MS4A10: variants seen among roughly 807,000 people sequenced by gnomAD.
MS4A10 encodes the protein membrane-spanning 4-domains subfamily A member 10.
Under a neutral mutation model 27.7 loss-of-function variants are expected in MS4A10, and 27 were observed. That is an observed-to-expected ratio of 0.98 (90% CI 0.72 to 1.35). The LOEUF (loss-of-function observed/expected upper bound fraction) is 1.35, where lower values mean the gene tolerates loss of function less well. Ranked by LOEUF, MS4A10 falls within the 40% of genes most tolerant of loss-of-function variation. MS4A10 has a pLI of 0.00. For missense variants in MS4A10, 338 were observed against 324.7 expected (o/e 1.04, Z -0.32); for synonymous variants, 139 against 131.2 (o/e 1.06, Z -0.41).
At chr11:60,798,176 T>C (rs1854563264) in intron 6 of MS4A10, among the ~76,000 whole-genome samples, 2 of 152,228 alleles carry the variant, frequency 1.3e-5, no homozygotes, top group South Asian at 4.1e-4. Context: ...CCCCATCCAG[T>C]GACTCCCATG....
intron 6 of MS4A10, among the ~76,000 whole-genome samples, chr11:60,797,333 C>T (rs1854547925): frequency 6.6e-6 from 1 of 152,206 alleles, no homozygotes; most frequent in Admixed American, 6.5e-5. Context: ...AGTAAATTAT[C>T]ACAAATTTGG....
At chr11:60,798,938 A>G (rs1049170264) in intron 7 of MS4A10, among the ~76,000 whole-genome samples, 12 of 152,204 alleles carry the variant, frequency 7.9e-5, no homozygotes, top group African/African-American at 1.2e-4. Flanking sequence ...GAAGGTCTCC[A>G]GAGCGGCACA....
chr11:60,796,107 G>A (rs181750941), intron 6 of MS4A10, among the ~76,000 whole-genome samples: 1 of 152,262 alleles, frequency 6.6e-6, no homozygotes, highest in African/African-American at 2.4e-5. Context: ...GTGGAGTTTG[G>A]CTGTAGTGGA....
rs202060173 is a variant in MS4A10, at chr11:60,790,991, C to T, written c.201C>T (p.Ile67=). ...CCACCCAGGCCTTCCACATCACCAT[C>T]GCTCTGCTGCACCTGGTCTTTGGGG... The part of the protein sequence containing the change: ...LKELGAFHIT[I]ALLHLVFGGY... The change falls in exon 3 of 8, where the codon ATC becomes ATT. Residue 67 remains isoleucine (I), a synonymous_variant. Transcript: ENST00000308287. 477 of 1,614,066 alleles carry T rather than the reference C, an allele frequency of 3.0e-4. No homozygotes were observed. Among genetic ancestry groups the T allele is most frequent in the Non-Finnish European group, 3.8e-4 (454 of 1,180,024 alleles).
At chr11:60,792,742 C>T (rs183866127) in intron 4 of MS4A10, among the ~76,000 whole-genome samples, 1 of 152,176 alleles carries the variant, frequency 6.6e-6, no homozygotes, top group African/African-American at 2.4e-5. Context: ...GTGGTCCTCC[C>T]TTTTCTGCCC....
intron 6 of MS4A10, 45 bp downstream of exon 6, chr11:60,795,710 A>T: frequency 7.7e-7 from 1 of 1,297,702 alleles, no homozygotes; most frequent in Non-Finnish European, 1.1e-6. Flanking sequence ...AAATGGGGGC[A>T]TGAGGCAGCA....
intron 2 of MS4A10, 91 bp downstream of exon 2, chr11:60,790,609 G>A (rs1277680735): frequency 1.4e-6 from 2 of 1,385,886 alleles, no homozygotes; most frequent in Admixed American, 2.3e-5. Flanking sequence ...GGAAGAAAGG[G>A]AAAAGAGAAA....
At chr11:60,799,270 T>C (rs1000683550) in intron 7 of MS4A10, among the ~76,000 whole-genome samples, 6 of 152,202 alleles carry the variant, frequency 3.9e-5, no homozygotes, top group Non-Finnish European at 8.8e-5. Context: ...TCAAACCTAC[T>C]TGTGCTAAGT....
chr11:60,796,419 A>T (rs1854533198), intron 6 of MS4A10, among the ~76,000 whole-genome samples: 1 of 152,078 alleles, frequency 6.6e-6, no homozygotes, highest in Non-Finnish European at 1.5e-5. Flanking sequence ...AGTAGCTGGG[A>T]CTACAGGCAT....
In MS4A10 at chr11:60,791,206, G is replaced by T. The variant is rs566882240; in HGVS notation, c.303+113G>T. Reference sequence around the variant, plus strand: ...GGATAGAGAGAGCTAATAGGAGTGCGGCAGAAGCGAGGCCCTTTCTCCAGT... The same window carrying T: ...GGATAGAGAGAGCTAATAGGAGTGCTGCAGAAGCGAGGCCCTTTCTCCAGT... On this transcript the variant is annotated intron_variant, in intron 3 of 7. Transcript: ENST00000308287. 1,572 of 1,394,036 alleles carry T rather than the reference G, an allele frequency of 1.1e-3. 26 individuals are homozygous for T. In the South Asian group the frequency reaches 0.017, roughly 15 times the overall value. The allele number at this position is 1,394,036 out of a possible 1,614,324, so 86.4% of individuals were successfully genotyped here. A position where few individuals can be genotyped will look rare whatever the true frequency, so the allele number is the denominator to read the frequency against.
intron 1 of MS4A10, among the ~76,000 whole-genome samples, chr11:60,788,146 G>A (rs1027968690): frequency 1.3e-5 from 2 of 152,108 alleles, no homozygotes; most frequent in African/African-American, 2.4e-5. Context: ...TCTTTAATAT[G>A]AGAAAAAGGG....
chr11:60,792,264 G>C lies in MS4A10; in HGVS notation c.304-1G>C, dbSNP rs1158664560. The C allele has an allele frequency of 6.2e-7, 1 of 1,613,502 alleles. No individual in the cohort carries two copies. The highest frequency in any genetic ancestry group is 1.7e-5 in the Admixed American group (1 of 59,996). On this transcript the variant is annotated splice_acceptor_variant, in intron 3 of 7. Transcript: ENST00000308287. LOFTEE classifies it high-confidence loss of function. The stretch of plus-strand genomic sequence containing the variant: ...CTTTGACTTTCAAATCTGTCCTGCA[G>C]TTTCTCATTTCAGGGATCTTGGCGA...
chr11:60,794,479 T>G (rs7936792), intron 5 of MS4A10, among the ~76,000 whole-genome samples: 74,401 of 151,984 alleles, frequency 0.49, 18,955 homozygotes, highest in East Asian at 0.88. Context: ...GAGCCTCCCA[T>G]CAGCCTTGCA....
chr11:60,786,158 T>C (rs990589441), intron 1 of MS4A10, among the ~76,000 whole-genome samples: 5 of 145,232 alleles, frequency 3.4e-5, no homozygotes, highest in South Asian at 2.1e-4. Flanking sequence ...TGCATGCACA[T>C]GCATGCACAC....
intron 6 of MS4A10, among the ~76,000 whole-genome samples, chr11:60,797,667 C>G (rs970308755): frequency 3.3e-5 from 5 of 152,160 alleles, no homozygotes; most frequent in Non-Finnish European, 5.9e-5. Flanking sequence ...GATTGGAAAC[C>G]TTAATTCCAT....
chr11:60,797,225 G>A (rs1341172023), intron 6 of MS4A10, among the ~76,000 whole-genome samples: 2 of 152,198 alleles, frequency 1.3e-5, no homozygotes, highest in African/African-American at 2.4e-5. Context: ...CCTAGCTGCA[G>A]CTATGAGCAA....
rs541057990 is a variant in MS4A10, at chr11:60,790,989, A to G, written c.199A>G (p.Ile67Val). Residue 67 changes from isoleucine to valine, a missense_variant, in exon 3 of 8, where the codon ATC (isoleucine) becomes GTC (valine). Ile to Val is a conservative substitution (Grantham distance 29). Transcript: ENST00000308287. ...LKELGAFHIT[I>V]ALLHLVFGGY... Reference sequence around the variant, plus strand: ...CCCCACCCAGGCCTTCCACATCACCATCGCTCTGCTGCACCTGGTCTTTGG... The same window carrying G: ...CCCCACCCAGGCCTTCCACATCACCGTCGCTCTGCTGCACCTGGTCTTTGG... 8 of 1,614,102 alleles carry G rather than the reference A, an allele frequency of 5.0e-6. No individual in the cohort carries two copies. The South Asian group carries it at 6.6e-5, about 13-fold the overall frequency.
chr11:60,798,558 G>T (rs200808783), intron 7 of MS4A10, 44 bp downstream of exon 7: 4 of 1,457,530 alleles, frequency 2.7e-6, no homozygotes, highest in Non-Finnish European at 3.8e-6. Context: ...CAGAACCCAC[G>T]CTTGGCCCCT....
chr11:60,790,732 G>A (rs900074840), intron 2 of MS4A10, among the ~76,000 whole-genome samples: 2 of 152,206 alleles, frequency 1.3e-5, no homozygotes, highest in African/African-American at 4.8e-5. Context: ...GCCCTGTCCT[G>A]GGGAGAATGG....
Sources: gnomAD v4.1 joint callset for allele counts (sites outside exome capture counted in the v4.1 genomes callset) on GRCh38, gnomAD v4.1.1 for gene constraint, MANE v1.5 for transcripts, NCBI Gene and HGNC (gene_info 2026-07-23, HGNC 2026-07-21) for gene names.